Variants in PLCB1 observed in about 807,000 individuals in gnomAD.
PLCB1 encodes the protein phospholipase C beta 1, also known as 1-phosphatidylinositol 4,5-bisphosphate phosphodiesterase beta-1.
A neutral mutation model predicts 161.8 loss-of-function variants in PLCB1; 46 were observed. The observed-to-expected ratio is 0.28, with a 90% CI of 0.22 to 0.36. The LOEUF is 0.36. Among genes scored for constraint, PLCB1 ranks in the 10% least tolerant of loss-of-function variants. The pLI, the probability that PLCB1 is intolerant of heterozygous loss-of-function variation, is 1.00. For missense variants in PLCB1, 1,016 were observed against 1,472.5 expected (o/e 0.69, Z 5.07); for synonymous variants, 517 against 503.7 (o/e 1.03, Z -0.35).
chr20:8,866,429 A>G (rs545729989), intron 31 of PLCB1, among the ~76,000 whole-genome samples: 7 of 152,342 alleles, frequency 4.6e-5, no homozygotes, highest in Non-Finnish European at 7.3e-5. Flanking sequence ...ATGGTTAACT[A>G]TCAAGTCCAA....
At chr20:8,516,664 CAT>C (rs57237224) in intron 3 of PLCB1, among the ~76,000 whole-genome samples, 4,740 of 71,232 alleles carry the variant, frequency 0.067, 65 homozygotes, top group East Asian at 0.12. Context: ...AATATAACAT[CAT>C]ATATATATAT....
intron 2 of PLCB1, among the ~76,000 whole-genome samples, chr20:8,358,120 C>T (rs1374236013): frequency 6.6e-6 from 1 of 152,180 alleles, no homozygotes; most frequent in Admixed American, 6.5e-5. Flanking sequence ...GTTATTTCTC[C>T]ATCTTGCCCT....
chr20:8,773,364 C>T (rs1982787537), intron 26 of PLCB1, among the ~76,000 whole-genome samples: 2 of 152,196 alleles, frequency 1.3e-5, no homozygotes, highest in African/African-American at 4.8e-5. Context: ...AATACTCTGT[C>T]TTTCTTTCCA....
rs547041978 is a variant in PLCB1, at chr20:8,357,054, G to A, written c.178-14328G>A. ...AAGAAGAAATATATTGTGCAATAAT[G>A]AAAAAGCGATCTATCTTCTTGGGTG... On this transcript the variant is annotated intron_variant, in intron 2 of 31. Transcript: ENST00000338037. Among the ~76,000 whole-genome samples the A allele has an allele frequency of 4.6e-5, 7 of 152,240 alleles. No homozygotes were observed. In the East Asian group the frequency reaches 1.4e-3, roughly 29 times the overall value.
chr20:8,305,236 A>T (rs904391372), intron 2 of PLCB1, among the ~76,000 whole-genome samples: 1 of 152,228 alleles, frequency 6.6e-6, no homozygotes, highest in Admixed American at 6.5e-5. Flanking sequence ...AACCTTAAAT[A>T]TGAAAATGGT....
chr20:8,623,381 T>C (rs1290331172), intron 3 of PLCB1, among the ~76,000 whole-genome samples: 5 of 152,200 alleles, frequency 3.3e-5, no homozygotes, highest in African/African-American at 1.2e-4. Flanking sequence ...CCTGACAGCT[T>C]CAAACCGCTT....
At chr20:8,786,835 C>G (rs1983510408) in intron 27 of PLCB1, among the ~76,000 whole-genome samples, 1 of 152,024 alleles carries the variant, frequency 6.6e-6, no homozygotes, top group African/African-American at 2.4e-5. Context: ...TCCCAAGTAG[C>G]TGGGATTACA....
chr20:8,525,456 GT>G (rs1363775106), intron 3 of PLCB1, among the ~76,000 whole-genome samples: 2 of 152,124 alleles, frequency 1.3e-5, no homozygotes, highest in African/African-American at 2.4e-5. Flanking sequence ...ATAAGGCCAA[GT>G]TCAAATAATC....
chr20:8,487,118 G>A (rs1982763129), intron 3 of PLCB1, among the ~76,000 whole-genome samples: 1 of 152,188 alleles, frequency 6.6e-6, no homozygotes, highest in Non-Finnish European at 1.5e-5. Flanking sequence ...GAGTTTGTGT[G>A]TATATGTGTG....
rs1362015384 is a variant in PLCB1, at chr20:8,884,029, A to G, written c.*2180A>G. On this transcript the variant is annotated 3_prime_UTR_variant, in exon 32 of 32. Transcript: ENST00000338037. ...CATTGTATCACATTTTAGTCCAGAGATAGAATAAAGTTGAATAACCTTGAC... is the reference window on the plus strand; with the variant it reads ...CATTGTATCACATTTTAGTCCAGAGGTAGAATAAAGTTGAATAACCTTGAC... 6.6e-6 allele frequency: 1 copy of G among 152,324 alleles called. No individual in the cohort carries two copies. Among genetic ancestry groups the G allele is most frequent in the Non-Finnish European group, 1.5e-5 (1 of 67,986 alleles). 9.4% of individuals were successfully genotyped at this position (152,324 alleles called of 1,614,324 possible).
At chr20:8,773,122 A>G (rs957801052) in intron 26 of PLCB1, among the ~76,000 whole-genome samples, 1 of 152,176 alleles carries the variant, frequency 6.6e-6, no homozygotes, top group African/African-American at 2.4e-5. Flanking sequence ...TGATTCTAAC[A>G]CCAGCTTCAA....
rs571475612 is a variant in PLCB1 at position 8,486,706 on chromosome 20, A to G, written c.246+115256A>G. Among the ~76,000 whole-genome samples the G allele has an allele frequency of 3.6e-4, 55 of 151,574 alleles. 2 individuals are homozygous for G. The South Asian group carries it at 0.011, about 30-fold the overall frequency. ...GAGACGGGGTTTCACCTTGTTAGCC[A>G]GGATGGTCTCGATCTCCTGACCTCA... On this transcript the variant is annotated intron_variant, in intron 3 of 31. Coordinates refer to ENST00000338037, the MANE Select transcript of PLCB1 (RefSeq NM_015192.4).
At chr20:8,724,852 T>A (rs898630252) in intron 16 of PLCB1, 100 bp downstream of exon 16, 3 of 656,714 alleles carry the variant, frequency 4.6e-6, no homozygotes, top group Admixed American at 6.0e-5. Context: ...AATAGAGAGA[T>A]TTATGCTTTT....
intron 2 of PLCB1, among the ~76,000 whole-genome samples, chr20:8,157,311 A>G (rs1265963522): frequency 2.0e-5 from 3 of 152,172 alleles, no homozygotes; most frequent in Non-Finnish European, 2.9e-5. Flanking sequence ...TCACAAGAAA[A>G]ATTGGACACA....
At chr20:8,445,556 T>C (rs1304404570) in intron 3 of PLCB1, among the ~76,000 whole-genome samples, 1 of 152,098 alleles carries the variant, frequency 6.6e-6, no homozygotes, top group Non-Finnish European at 1.5e-5. Flanking sequence ...ATATGAACTT[T>C]AAAGTAGTTT....
At chr20:8,463,033 G>A (rs564646814) in intron 3 of PLCB1, among the ~76,000 whole-genome samples, 6 of 151,722 alleles carry the variant, frequency 4.0e-5, no homozygotes, top group South Asian at 2.1e-4. Context: ...TTTCTTATAC[G>A]CTCTAAGAGG....
intron 2 of PLCB1, among the ~76,000 whole-genome samples, chr20:8,243,366 T>A (rs1980715031): frequency 6.6e-6 from 1 of 152,016 alleles, no homozygotes; most frequent in Non-Finnish European, 1.5e-5. Flanking sequence ...TTCCTTCTTG[T>A]ACTAATAGGA....
chr20:8,605,615 T>C (rs1220939602), intron 3 of PLCB1, among the ~76,000 whole-genome samples: 4 of 151,126 alleles, frequency 2.6e-5, no homozygotes, highest in South Asian at 2.1e-4. Flanking sequence ...GTTTTCTTTT[T>C]TTTTTTTTTT....
intron 31 of PLCB1, among the ~76,000 whole-genome samples, chr20:8,803,435 T>G (rs576274824): frequency 6.6e-6 from 1 of 151,408 alleles, no homozygotes; most frequent in Non-Finnish European, 1.5e-5. Flanking sequence ...CCTTTGATTT[T>G]TTTTTTTTTT....
Sources: allele counts gnomAD v4.1 joint callset (sites outside exome capture counted in the v4.1 genomes callset), GRCh38; gene constraint gnomAD v4.1.1; transcripts MANE v1.5; gene names NCBI Gene and HGNC (gene_info 2026-07-23, HGNC 2026-07-21).